The following PHF7 variants were observed in gnomAD, a reference collection of about 807,000 sequenced individuals.
PHF7 encodes the protein PHD finger protein 7.
In PHF7, 24 loss-of-function variants were observed where a neutral mutation model predicts 47.5. That is an observed-to-expected ratio of 0.51 (90% CI 0.37 to 0.71). The LOEUF is 0.71. Among genes scored for constraint, PHF7 ranks in the 30% least tolerant of loss-of-function variants. The probability of loss-of-function intolerance (pLI) is 0.00; values close to 1 mark genes in which losing one functional copy is unlikely to be tolerated. For synonymous variants in PHF7, 156 were observed against 153.8 expected (o/e 1.01, Z -0.11); for missense variants, 361 against 456.8 (o/e 0.79, Z 1.91).
intron 2 of PHF7, among the ~76,000 whole-genome samples, chr3:52,413,724 C>A (rs1005858433): frequency 6.6e-6 from 1 of 152,120 alleles, no homozygotes; most frequent in African/African-American, 2.4e-5. Flanking sequence ...AATCCCAGCT[C>A]CTCGGGAGGC....
In PHF7 at chr3:52,412,811, C is replaced by G. The variant is rs1030717253; in HGVS notation, c.-69C>G. 8.1e-7 allele frequency: 1 copy of G among 1,234,660 alleles called. No homozygotes were observed. The highest frequency in any genetic ancestry group is 1.2e-6 in the Non-Finnish European group (1 of 848,984). The allele number at this position is 1,234,660 out of a possible 1,614,324, so 76.5% of individuals were successfully genotyped here. A position where few individuals can be genotyped will look rare whatever the true frequency, so the allele number is the denominator to read the frequency against. ...TACCAAACCCCATTTATATTTATAG[C>G]TGGAAGAGCCTGTATTGTCCTCACA... is the stretch of plus-strand genomic sequence containing the variant. On this transcript the variant is annotated splice_region_variant and 5_prime_UTR_variant, in exon 2 of 11. Transcript: ENST00000327906.
chr3:52,418,901 G>A (rs528077339), intron 4 of PHF7, among the ~76,000 whole-genome samples: 5 of 151,224 alleles, frequency 3.3e-5, no homozygotes, highest in East Asian at 1.9e-4. Flanking sequence ...TCCGCCTCCC[G>A]GGTTCAAGCG....
chr3:52,422,428 T>A (rs1343952491), intron 9 of PHF7, 90 bp downstream of exon 9: 1 of 878,948 alleles, frequency 1.1e-6, no homozygotes, highest in Admixed American at 1.7e-5. Flanking sequence ...AGAAATTCAC[T>A]CTTGTATGCA....
chr3:52,423,064 T>C, intron 10 of PHF7, 27 bp from the exon 11 acceptor site: 1 of 1,549,692 alleles, frequency 6.5e-7, no homozygotes, highest in Non-Finnish European at 8.9e-7. Flanking sequence ...AGGCTTGAGT[T>C]TTCCTCTCCT....
chr3:52,421,793 G>T (rs1328367032), intron 8 of PHF7, 39 bp downstream of exon 8: 3 of 1,075,124 alleles, frequency 2.8e-6, no homozygotes, highest in East Asian at 4.8e-5. Context: ...GCCAGGGAGT[G>T]GGTTGCCTAG....
chr3:52,421,984 C>CT, intron 8 of PHF7: 1 of 592,940 alleles, frequency 1.7e-6, no homozygotes, highest in Non-Finnish European at 3.0e-6. Context: ...TCAGAATTCC[C>CT]TGGGGGGTTG....
intron 2 of PHF7, among the ~76,000 whole-genome samples, chr3:52,413,503 C>G (rs1578237543): frequency 6.6e-6 from 1 of 152,104 alleles, no homozygotes; most frequent in East Asian, 1.9e-4. Flanking sequence ...GGTTCCTGCC[C>G]TCAAATAACT....
chr3:52,413,699 GT>G (rs1310168659), intron 2 of PHF7, among the ~76,000 whole-genome samples: 2 of 152,178 alleles, frequency 1.3e-5, no homozygotes, highest in Non-Finnish European at 2.9e-5. Flanking sequence ...GCTGGGCGTG[GT>G]GACAGGCGCC....
chr3:52,415,324 G>C (rs1182069709), intron 4 of PHF7, among the ~76,000 whole-genome samples: 4 of 152,084 alleles, frequency 2.6e-5, no homozygotes, highest in Non-Finnish European at 5.9e-5. Context: ...AGCCTCCCAA[G>C]TAGCTGGGAT....
intron 9 of PHF7, 87 bp downstream of exon 9, chr3:52,422,425 C>T: frequency 1.1e-6 from 1 of 899,592 alleles, no homozygotes; most frequent in South Asian, 1.3e-5. Context: ...GTAAGAAATT[C>T]ACTCTTGTAT....
intron 5 of PHF7, 170 bp downstream of exon 5, chr3:52,420,104 G>T: frequency 1.3e-6 from 1 of 759,526 alleles, no homozygotes; most frequent in Non-Finnish European, 2.4e-6. Context: ...TGTCCTAAGT[G>T]AGAAGAGGGA....
In PHF7 at chr3:52,422,879, C is replaced by T. The variant is rs150672233; in HGVS notation, c.917C>T (p.Thr306Ile). Residue 306 changes from threonine to isoleucine, a missense_variant and splice_region_variant, in exon 10 of 11, where the codon ACA becomes ATA. By Grantham distance (89) the Thr-to-Ile change is moderately conservative. Coordinates refer to ENST00000327906, the MANE Select transcript of PHF7 (RefSeq NM_016483.7). ...ECEECSPAAA[T>I]DYIPENSGDI... is the part of the protein sequence containing the mutation. ...GAGGAGTGTTCACCTGCTGCAGCCA[C>T]AGGTGAGGCTGGAGGGATGGGCCGG... The T allele has an allele frequency of 6.2e-7, 1 of 1,614,112 alleles. No homozygotes were observed. The highest frequency in any genetic ancestry group is 8.5e-7 in the Non-Finnish European group (1 of 1,180,020).
intron 4 of PHF7, 116 bp downstream of exon 4, chr3:52,414,703 T>C (rs1361769961): frequency 1.7e-6 from 1 of 591,724 alleles, no homozygotes; most frequent in African/African-American, 2.0e-5. Flanking sequence ...CTTAATAGCT[T>C]TTTTGTTTTA....
chr3:52,413,917 G>A (rs979413273), intron 2 of PHF7, 79 bp from the exon 3 acceptor site: 1 of 933,426 alleles, frequency 1.1e-6, no homozygotes, highest in Non-Finnish European at 1.8e-6. Context: ...CCCATGAATG[G>A]CATTTTAAGA....
intron 8 of PHF7, 69 bp downstream of exon 8, chr3:52,421,823 G>GT: frequency 1.2e-6 from 1 of 807,348 alleles, no homozygotes; most frequent in Non-Finnish European, 2.2e-6. Context: ...GAGGAGGTGA[G>GT]TGAGAGGATA....
At chr3:52,413,831 T>A (rs1400591922) in intron 2 of PHF7, among the ~76,000 whole-genome samples, 165 bp from the exon 3 acceptor site, 1 of 152,170 alleles carries the variant, frequency 6.6e-6, no homozygotes, top group Non-Finnish European at 1.5e-5. Flanking sequence ...CAAGACTCTG[T>A]CTCAAAAACA....
At position 52,422,330 on chromosome 3, in the gene PHF7, G is replaced by C; in HGVS notation, c.789G>C (p.Glu263Asp). The change falls in exon 9 of 11, where the codon GAG becomes GAC. Residue 263 changes from glutamate (E) to aspartate (D), a missense_variant. By Grantham distance (45) the Glu-to-Asp change is conservative. Transcript: ENST00000327906. ...CLYEQGRDSF[E>D]DEGRWCLILC... is the part of the protein sequence containing the mutation. ...ATGAACAAGGCAGAGACAGCTTTGA[G>C]GATGAAGGGTAGGGGAAGGCTTCTG... 1 of 1,601,640 alleles carries C rather than the reference G, an allele frequency of 6.2e-7. No individual in the cohort carries two copies. The highest frequency in any genetic ancestry group is 1.1e-5 in the South Asian group (1 of 90,824).
intron 4 of PHF7, among the ~76,000 whole-genome samples, chr3:52,416,104 G>T (rs1559599037): frequency 6.6e-6 from 1 of 151,578 alleles, no homozygotes; most frequent in Non-Finnish European, 1.5e-5. Context: ...GTATTTCATT[G>T]TCGTTTTAAT....
chr3:52,421,523 A>C (rs1325362649), intron 7 of PHF7, 125 bp from the exon 8 acceptor site: 19 of 677,746 alleles, frequency 2.8e-5, no homozygotes, highest in Non-Finnish European at 4.8e-5. Flanking sequence ...GCCCACCCAA[A>C]CTCCTTTTCC....
Sources: allele counts gnomAD v4.1 joint callset (sites outside exome capture counted in the v4.1 genomes callset), GRCh38; gene constraint gnomAD v4.1.1; transcripts MANE v1.5; gene names NCBI Gene and HGNC (gene_info 2026-07-23, HGNC 2026-07-21).